The following ATOH8 variants were observed in gnomAD, a reference collection of about 807,000 sequenced individuals.
The protein encoded by ATOH8 is transcription factor ATOH8.
A neutral mutation model predicts 21.2 loss-of-function variants in ATOH8; 9 were observed. The observed-to-expected ratio is 0.42, with a 90% CI of 0.26 to 0.74. The LOEUF is 0.74. Among genes scored for constraint, ATOH8 ranks in the 30% least tolerant of loss-of-function variants. ATOH8 has a pLI of 0.24. For missense variants in ATOH8, 524 were observed against 470.9 expected (o/e 1.11, Z -1.04); for synonymous variants, 253 against 224.0 (o/e 1.13, Z -1.16).
rs1042419173 is a variant in ATOH8, at chr2:85,786,998, G to A, written c.*108G>A. 90 of 1,451,770 alleles carry A rather than the reference G, an allele frequency of 6.2e-5. No individual in the cohort carries two copies. The highest frequency in any genetic ancestry group is 8.1e-5 in the Non-Finnish European group (85 of 1,047,226). The allele number at this position is 1,451,770 out of a possible 1,614,324, so 89.9% of individuals were successfully genotyped here. A position where few individuals can be genotyped will look rare whatever the true frequency, so the allele number is the denominator to read the frequency against. On this transcript the variant is annotated 3_prime_UTR_variant, in exon 3 of 3. Transcript: ENST00000306279. ...GCCTCGTGGTCTTCTCCAAGATGCC[G>A]CCAGATGCCCAGCCTACAGCCTCTC...
At chr2:85,762,028 G>A (rs937251319) in intron 1 of ATOH8, among the ~76,000 whole-genome samples, 1 of 119,564 alleles carries the variant, frequency 8.4e-6, no homozygotes, top group Non-Finnish European at 1.8e-5. Flanking sequence ...GGTAGGGCAG[G>A]CACGTGTCCT....
At chr2:85,760,131 G>A (rs1168732911) in intron 1 of ATOH8, among the ~76,000 whole-genome samples, 2 of 152,120 alleles carry the variant, frequency 1.3e-5, no homozygotes, top group African/African-American at 2.4e-5. Flanking sequence ...AGCTTAGGGT[G>A]GGTGGGGTGG....
In ATOH8 at chr2:85,791,057, G is replaced by C. The variant is rs1680756159; in HGVS notation, c.*4167G>C. 6.6e-6 allele frequency among the ~76,000 whole-genome samples: 1 copy of C among 152,138 alleles called. No individual in the cohort carries two copies. The highest frequency in any genetic ancestry group is 2.4e-5 in the African/African-American group (1 of 41,422). Reference sequence around the variant, plus strand: ...GTTCCAGGAAGACAGCGGGGCACAGGGTCCCTGCTTTGTGAGGAGCAGCTG... The same window carrying C: ...GTTCCAGGAAGACAGCGGGGCACAGCGTCCCTGCTTTGTGAGGAGCAGCTG... On this transcript the variant is annotated 3_prime_UTR_variant, in exon 3 of 3. Coordinates refer to ENST00000306279, the MANE Select transcript of ATOH8 (RefSeq NM_032827.7).
chr2:85,768,793 G>A lies in ATOH8; in HGVS notation c.960+4611G>A, dbSNP rs79271088. 8.8e-3 allele frequency among the ~76,000 whole-genome samples: 1,347 copies of A among 152,272 alleles called. 56 individuals are homozygous for A. In the East Asian group the frequency reaches 0.098, roughly 11 times the overall value. ...AGGGGGTGGGGAACCTGCATTCCTTGGCCAGTGAATCCTCCCCTTCTGGGC... is the reference window on the plus strand; with the variant it reads ...AGGGGGTGGGGAACCTGCATTCCTTAGCCAGTGAATCCTCCCCTTCTGGGC... On this transcript the variant is annotated intron_variant, in intron 2 of 2. Coordinates refer to ENST00000306279, the MANE Select transcript of ATOH8 (RefSeq NM_032827.7).
rs767910077 is a variant in ATOH8 at position 85,754,872 on chromosome 2, A to G, written c.683A>G (p.Gln228Arg). The G allele has an allele frequency of 1.2e-6, 2 of 1,611,848 alleles. No homozygotes were observed. Among genetic ancestry groups the G allele is most frequent in the Admixed American group, 1.7e-5 (1 of 60,006 alleles). ...TAASSEIKALQQTRRLLANAR... is the reference protein window; with the variant it reads ...TAASSEIKALRQTRRLLANAR... ...GCCTCCTCCGAGATCAAAGCCCTGCAGCAGACCCGGAGGCTCCTGGCGAAC... is the reference window on the plus strand; with the variant it reads ...GCCTCCTCCGAGATCAAAGCCCTGCGGCAGACCCGGAGGCTCCTGGCGAAC... Residue 228 changes from glutamine (Q) to arginine (R), a missense_variant, in exon 1 of 3, where the codon CAG (glutamine) becomes CGG (arginine). Coordinates refer to ENST00000306279, the MANE Select transcript of ATOH8 (RefSeq NM_032827.7).
rs1276274360 is a variant in ATOH8 at position 85,754,692 on chromosome 2, C to A, written c.503C>A (p.Pro168His). The A allele has an allele frequency of 1.2e-6, 2 of 1,601,434 alleles. No homozygotes were observed. Among genetic ancestry groups the A allele is most frequent in the Admixed American group, 1.7e-5 (1 of 59,128 alleles). The change falls in exon 1 of 3, where the codon CCC becomes CAC. Residue 168 changes from proline to histidine, a missense_variant. By Grantham distance (77) the Pro-to-His change is moderately conservative (BLOSUM62 -2). Transcript: ENST00000306279. ...CCCGCGCGCCCCGCGCCGTCAGCAC[C>A]CCCAGCACCGCCAGCGCCCCCGGAG... is the stretch of plus-strand genomic sequence containing the variant. Reference protein sequence around the residue: ...APPARPAPSAPPAPPAPPEST... With the variant: ...APPARPAPSAHPAPPAPPEST...
chr2:85,777,265 T>C (rs1487345502), intron 2 of ATOH8, among the ~76,000 whole-genome samples: 1 of 152,212 alleles, frequency 6.6e-6, no homozygotes, highest in Non-Finnish European at 1.5e-5. Context: ...GCACTTAGCC[T>C]GCATACAGTT....
intron 2 of ATOH8, among the ~76,000 whole-genome samples, chr2:85,782,567 A>G (rs1680524449): frequency 6.6e-6 from 1 of 152,252 alleles, no homozygotes; most frequent in Non-Finnish European, 1.5e-5. Flanking sequence ...CCCATTTACA[A>G]AAATGCTCAA....
chr2:85,769,747 A>G (rs1348660536), intron 2 of ATOH8, among the ~76,000 whole-genome samples: 1 of 152,082 alleles, frequency 6.6e-6, no homozygotes, highest in Admixed American at 6.5e-5. Context: ...CTCGGACAGG[A>G]TCCCTGGGTG....
intron 2 of ATOH8, among the ~76,000 whole-genome samples, chr2:85,782,120 A>G (rs1004888140): frequency 2.6e-5 from 4 of 152,174 alleles, no homozygotes; most frequent in African/African-American, 7.2e-5. Context: ...CCCATGCCAT[A>G]TCTGCTCTTT....
intron 2 of ATOH8, among the ~76,000 whole-genome samples, chr2:85,779,038 C>T (rs1050233296): frequency 8.6e-5 from 13 of 151,342 alleles, no homozygotes; most frequent in Admixed American, 2.0e-4. Context: ...TACTCCAGCC[C>T]GGGTGCCTCC....
chr2:85,762,966 T>C (rs141990329), intron 1 of ATOH8, among the ~76,000 whole-genome samples: 14 of 152,282 alleles, frequency 9.2e-5, no homozygotes, highest in Non-Finnish European at 1.8e-4. Context: ...CTTGTGTGGA[T>C]GCATCGTGCC....
intron 1 of ATOH8, among the ~76,000 whole-genome samples, chr2:85,756,627 A>G (rs1164122277): frequency 6.6e-6 from 1 of 152,170 alleles, no homozygotes; most frequent in African/African-American, 2.4e-5. Flanking sequence ...TTCATTCAAC[A>G]ATCAATTCCA....
At chr2:85,783,344 T>C (rs13392366) in intron 2 of ATOH8, among the ~76,000 whole-genome samples, 28,056 of 151,744 alleles carry the variant, frequency 0.18, 3,780 homozygotes, top group African/African-American at 0.38. Context: ...CCAAGGAGGG[T>C]GGATCATCTG....
chr2:85,769,387 C>T (rs967311360), intron 2 of ATOH8, among the ~76,000 whole-genome samples: 1 of 152,210 alleles, frequency 6.6e-6, no homozygotes, highest in African/African-American at 2.4e-5. Context: ...CTAGACCCCC[C>T]CGGGTGGTGT....
At chr2:85,762,662 T>G (rs1476218551) in intron 1 of ATOH8, among the ~76,000 whole-genome samples, 1 of 151,950 alleles carries the variant, frequency 6.6e-6, no homozygotes. Context: ...AGGTTTAAAG[T>G]GAGATCAAAG....
intron 2 of ATOH8, among the ~76,000 whole-genome samples, chr2:85,779,305 G>C (rs888438088): frequency 1.3e-5 from 2 of 152,234 alleles, no homozygotes; most frequent in African/African-American, 4.8e-5. Context: ...GAGCTGGGGT[G>C]GGGGGCAAGA....
intron 2 of ATOH8, among the ~76,000 whole-genome samples, chr2:85,781,855 G>A (rs1270580251): frequency 6.6e-6 from 1 of 151,864 alleles, no homozygotes; most frequent in Non-Finnish European, 1.5e-5. Flanking sequence ...TTCAACCTGG[G>A]CAACAGAGCA....
chr2:85,765,127 C>T (rs1050343598), intron 2 of ATOH8, among the ~76,000 whole-genome samples: 1 of 152,220 alleles, frequency 6.6e-6, no homozygotes, highest in African/African-American at 2.4e-5. Flanking sequence ...TCTGTTACCA[C>T]GTGGCTTCAG....
Sources: allele counts gnomAD v4.1 joint callset (sites outside exome capture counted in the v4.1 genomes callset), GRCh38; gene constraint gnomAD v4.1.1; transcripts MANE v1.5; gene names NCBI Gene and HGNC (gene_info 2026-07-23, HGNC 2026-07-21).